APC: variants seen among roughly 807,000 people sequenced by gnomAD.
The protein encoded by APC is adenomatous polyposis coli protein.
In APC, 72 loss-of-function variants were observed where a neutral mutation model predicts 247.0. The observed-to-expected ratio is 0.29, with a 90% CI of 0.24 to 0.35. APC has a LOEUF of 0.35. Ranked by LOEUF, APC falls within the 10% of genes least tolerant of loss-of-function variation. The pLI is 1.00. For synonymous variants in APC, 1,254 were observed against 1,162.5 expected (o/e 1.08, Z -1.60); for missense variants, 3,400 against 3,360.7 (o/e 1.01, Z -0.29).
chr5:112,722,859 T>G (rs1035592593), intron 1 of APC, among the ~76,000 whole-genome samples: 3 of 152,090 alleles, frequency 2.0e-5, no homozygotes, highest in Non-Finnish European at 2.9e-5. Context: ...CCTGTCCTCT[T>G]GGCTTTTTAT....
chr5:112,787,454 A>G (rs1759099677), intron 6 of APC, among the ~76,000 whole-genome samples: 1 of 151,480 alleles, frequency 6.6e-6, no homozygotes, highest in Non-Finnish European at 1.5e-5. Context: ...TTGTTTCTGT[A>G]TGTCTTCTCC....
intron 1 of APC, among the ~76,000 whole-genome samples, chr5:112,724,453 A>G (rs1351035056): frequency 6.6e-6 from 1 of 152,214 alleles, no homozygotes; most frequent in African/African-American, 2.4e-5. Context: ...ACTTTGGACC[A>G]GGCGCAATAC....
At chr5:112,827,076 T>C (rs1763747618) in intron 11 of APC, 32 bp from the exon 12 acceptor site, 1 of 1,611,824 alleles carries the variant, frequency 6.2e-7, no homozygotes, top group Non-Finnish European at 8.5e-7. Context: ...TTTTAGATGA[T>C]TGTCTTTTTC....
At chr5:112,829,194 A>C in intron 14 of APC, 1 of 430,418 alleles carries the variant, frequency 2.3e-6, no homozygotes, top group Non-Finnish European at 4.3e-6. Flanking sequence ...GCTGGAGTGC[A>C]GTGGTCTGAT....
intron 7 of APC, among the ~76,000 whole-genome samples, 160 bp from the exon 8 acceptor site, chr5:112,801,119 A>G (rs563052994): frequency 1.8e-4 from 28 of 152,230 alleles, no homozygotes; most frequent in Non-Finnish European, 3.2e-4. Flanking sequence ...TCGACCGCCA[A>G]TCGTACTGGA....
In APC at chr5:112,840,866, T is replaced by C. The variant is rs1765907418; in HGVS notation, c.5272T>C (p.Ser1758Pro). The C allele has an allele frequency of 1.9e-6, 3 of 1,614,084 alleles. No individual in the cohort carries two copies. Among genetic ancestry groups the C allele is most frequent in the Non-Finnish European group, 1.7e-6 (2 of 1,179,976 alleles). Reference sequence around the variant, plus strand: ...GGTCCAGCAAGCATCTGCGTCTTCTTCTGCACCCAACAAAAATCAGTTAGA... The same window carrying C: ...GGTCCAGCAAGCATCTGCGTCTTCTCCTGCACCCAACAAAAATCAGTTAGA... ...DQVQQASASS[S>P]APNKNQLDGK... The change falls in exon 16 of 16, where the codon TCT becomes CCT. Residue 1758 changes from serine (S) to proline (P), a missense_variant. By Grantham distance (74) the Ser-to-Pro change is moderately conservative (BLOSUM62 -1). Coordinates refer to ENST00000257430, the MANE Select transcript of APC (RefSeq NM_000038.6). This position sits in a 1 kb window ranked among gnomAD's most constrained non-coding sequence, Gnocchi z 4.1.
chr5:112,838,210 T>A lies in APC; in HGVS notation c.2616T>A (p.Thr872=), dbSNP rs555061955. 2 of 1,614,150 alleles carry A rather than the reference T, an allele frequency of 1.2e-6. No homozygotes were observed. Among genetic ancestry groups the A allele is most frequent in the African/African-American group, 2.7e-5 (2 of 75,044 alleles). Residue 872 remains threonine, a synonymous_variant, in exon 16 of 16, where the codon ACT becomes ACA. Coordinates refer to ENST00000257430, the MANE Select transcript of APC (RefSeq NM_000038.6). ...NYHPATENPG[T]SSKRGLQIST... ...ATCCAGCAACAGAAAATCCAGGAAC[T>A]TCTTCAAAGCGAGGTTTGCAGATCT...
chr5:112,790,886 C>G (rs549898056), intron 6 of APC, among the ~76,000 whole-genome samples: 4 of 152,100 alleles, frequency 2.6e-5, no homozygotes, highest in Middle Eastern at 3.2e-3. Context: ...TTTGGAAATA[C>G]TCCATCTAGC....
At chr5:112,781,840 G>A (rs940158496) in intron 6 of APC, among the ~76,000 whole-genome samples, 4 of 149,354 alleles carry the variant, frequency 2.7e-5, no homozygotes, top group Non-Finnish European at 4.4e-5. Context: ...TGCAACTTCC[G>A]CCTCCTGGGC....
At chr5:112,801,061 A>G (rs1180364516) in intron 7 of APC, among the ~76,000 whole-genome samples, 1 of 152,188 alleles carries the variant, frequency 6.6e-6, no homozygotes, top group Non-Finnish European at 1.5e-5. Context: ...TGTCTCGTGC[A>G]GCTCTAATGC....
chr5:112,841,870 A>G lies in APC; in HGVS notation c.6276A>G (p.Leu2092=), dbSNP rs548566231. 29 of 1,613,852 alleles carry G rather than the reference A, an allele frequency of 1.8e-5. 2 individuals are homozygous for G. Among genetic ancestry groups the G allele is most frequent in the Middle Eastern group, 1.6e-4 (1 of 6,062 alleles). Reference sequence around the variant, plus strand: ...AGAGACCAGATTCAGAACATGGTCTATCCCCTGATTCAGAAAATTTTGATT... The same window carrying G: ...AGAGACCAGATTCAGAACATGGTCTGTCCCCTGATTCAGAAAATTTTGATT... ...DIQRPDSEHG[L]SPDSENFDWK... The change falls in exon 16 of 16, where the codon CTA becomes CTG. Residue 2092 remains leucine, a synonymous_variant. Coordinates refer to ENST00000257430, the MANE Select transcript of APC (RefSeq NM_000038.6). The surrounding 1 kb of genome is among the most constrained non-coding windows in gnomAD (Gnocchi z 4.6).
intron 11 of APC, among the ~76,000 whole-genome samples, chr5:112,822,193 G>C (rs1185319607): frequency 6.6e-6 from 1 of 152,098 alleles, no homozygotes; most frequent in African/African-American, 2.4e-5. Flanking sequence ...CTGAATCACA[G>C]AAACTGCTAC....
At chr5:112,750,381 A>AT (rs1754206944) in intron 1 of APC, among the ~76,000 whole-genome samples, 1 of 151,568 alleles carries the variant, frequency 6.6e-6, no homozygotes, top group African/African-American at 2.4e-5. Flanking sequence ...TTTAAGTGAT[A>AT]TTTTTTATCC....
At chr5:112,803,983 A>G (rs185460168) in intron 8 of APC, among the ~76,000 whole-genome samples, 52 of 152,304 alleles carry the variant, frequency 3.4e-4, no homozygotes, top group African/African-American at 9.9e-4. Flanking sequence ...TTCCAAGAGT[A>G]TCTCACAATA....
At chr5:112,767,543 GCACTTA>G (rs1381735817) in intron 4 of APC, among the ~76,000 whole-genome samples, 153 bp downstream of exon 4, 3 of 152,160 alleles carry the variant, frequency 2.0e-5, no homozygotes, top group Non-Finnish European at 4.4e-5. Context: ...GTTATTGATT[GCACTTA>G]CATTAAATCT....
chr5:112,757,878 G>A (rs1755169971), intron 2 of APC, among the ~76,000 whole-genome samples: 1 of 152,130 alleles, frequency 6.6e-6, no homozygotes, highest in South Asian at 2.1e-4. Flanking sequence ...TGTGAACACT[G>A]TATATTAAGG....
chr5:112,841,485 C>T lies in APC; in HGVS notation c.5891C>T (p.Ser1964Phe), dbSNP rs1060503274. 2 of 1,613,506 alleles carry T rather than the reference C, an allele frequency of 1.2e-6. No homozygotes were observed. Among genetic ancestry groups the T allele is most frequent in the African/African-American group, 2.7e-5 (2 of 74,904 alleles). The stretch of plus-strand genomic sequence containing the variant: ...ATTGAAAATACTCCGGTTTGCTTTT[C>T]TCATAATTCCTCTCTGAGTTCTCTC... ...FAIENTPVCFSHNSSLSSLSD... is the reference protein window; with the variant it reads ...FAIENTPVCFFHNSSLSSLSD... The change falls in exon 16 of 16, where the codon TCT becomes TTT. Residue 1964 changes from serine (S) to phenylalanine (F), a missense_variant. Coordinates refer to ENST00000257430, the MANE Select transcript of APC (RefSeq NM_000038.6). The surrounding 1 kb of genome is among the most constrained non-coding windows in gnomAD (Gnocchi z 4.6).
At chr5:112,736,999 A>T (rs1408836239), upstream of APC, among the ~76,000 whole-genome samples, 1 of 152,218 alleles carries the variant, frequency 6.6e-6, no homozygotes, top group African/African-American at 2.4e-5. Flanking sequence ...TTAAACCAGA[A>T]TTTAAGTTTA....
intron 1 of APC, among the ~76,000 whole-genome samples, chr5:112,747,236 T>A (rs1208598679): frequency 9.6e-6 from 1 of 103,800 alleles, no homozygotes; most frequent in Non-Finnish European, 2.0e-5. Context: ...AGGACCTTTT[T>A]CTTGAGGGGG....
Sources: gnomAD v4.1 joint callset for allele counts (sites outside exome capture counted in the v4.1 genomes callset) on GRCh38, gnomAD v4.1.1 for gene constraint, Gnocchi (gnomAD v3.1) non-coding constraint, MANE v1.5 for transcripts, NCBI Gene and HGNC (gene_info 2026-07-23, HGNC 2026-07-21) for gene names.